Variants in NTNG1 observed in about 807,000 individuals in gnomAD.
NTNG1 encodes netrin G1, also known as netrin-G1.
A neutral mutation model predicts 54.0 loss-of-function variants in NTNG1; 16 were observed. That is an observed-to-expected ratio of 0.30 (90% confidence interval 0.20 to 0.45). NTNG1 has a LOEUF of 0.45. Ranked by LOEUF, NTNG1 falls within the 20% of genes least tolerant of loss-of-function variation. NTNG1 has a pLI of 1.00. For missense variants in NTNG1, 530 were observed against 678.7 expected (o/e 0.78, Z 2.43); for synonymous variants, 255 against 263.1 (o/e 0.97, Z 0.30).
At chr1:107,150,422 T>C (rs1654474919) in intron 2 of NTNG1, among the ~76,000 whole-genome samples, 1 of 152,140 alleles carries the variant, frequency 6.6e-6, no homozygotes, top group Non-Finnish European at 1.5e-5. Context: ...GAAATTGCTG[T>C]TTGGGTGATA....
At chr1:107,319,907 A>G (rs2101864943) in intron 2 of NTNG1, among the ~76,000 whole-genome samples, 1 of 151,436 alleles carries the variant, frequency 6.6e-6, no homozygotes, top group Admixed American at 6.6e-5. Context: ...GGCTTAGCAG[A>G]TCTTAGGTGA....
At chr1:107,306,017 C>G (rs189998389) in intron 2 of NTNG1, among the ~76,000 whole-genome samples, 1 of 152,264 alleles carries the variant, frequency 6.6e-6, no homozygotes, top group Admixed American at 6.5e-5. Context: ...CTCATTGGTG[C>G]TAAAGGCAAA....
intron 5 of NTNG1, among the ~76,000 whole-genome samples, chr1:107,430,277 A>G (rs1021121930): frequency 1.3e-5 from 2 of 152,160 alleles, no homozygotes; most frequent in African/African-American, 4.8e-5. Context: ...CTGTCTTGGC[A>G]TGATGTCAGA....
chr1:107,414,489 T>C (rs1279193061), intron 5 of NTNG1, among the ~76,000 whole-genome samples: 1 of 152,140 alleles, frequency 6.6e-6, no homozygotes, highest in Non-Finnish European at 1.5e-5. Context: ...ACAAAATAAT[T>C]TGTATTGCTT....
At chr1:107,305,234 T>A (rs998406930) in intron 2 of NTNG1, among the ~76,000 whole-genome samples, 1 of 152,186 alleles carries the variant, frequency 6.6e-6, no homozygotes, top group Non-Finnish European at 1.5e-5. Context: ...TGATTTATAA[T>A]CCTTTGGGTA....
At chr1:107,367,305 T>C (rs1409511272) in intron 3 of NTNG1, among the ~76,000 whole-genome samples, 2 of 151,950 alleles carry the variant, frequency 1.3e-5, no homozygotes, top group African/African-American at 4.8e-5. Context: ...CCCTGAGAAA[T>C]ATAGATAGGA....
intron 7 of NTNG1, among the ~76,000 whole-genome samples, chr1:107,438,537 G>A (rs1675753653): frequency 6.6e-6 from 1 of 152,080 alleles, no homozygotes; most frequent in Admixed American, 6.6e-5. Context: ...AGGAGAAGAG[G>A]AGAATAGGCA....
intron 2 of NTNG1, among the ~76,000 whole-genome samples, chr1:107,216,247 A>T (rs1659949094): frequency 6.6e-6 from 1 of 152,166 alleles, no homozygotes; most frequent in African/African-American, 2.4e-5. Flanking sequence ...GGATGTTTTC[A>T]ACTTTTCCCC....
chr1:107,198,813 G>A (rs990894407), intron 2 of NTNG1, among the ~76,000 whole-genome samples: 5 of 151,778 alleles, frequency 3.3e-5, no homozygotes, highest in African/African-American at 7.3e-5. Context: ...GATATCACAC[G>A]CAGGCTTTCC....
At chr1:107,304,600 T>C (rs528498961) in intron 2 of NTNG1, among the ~76,000 whole-genome samples, 2 of 152,312 alleles carry the variant, frequency 1.3e-5, no homozygotes, top group South Asian at 4.1e-4. Flanking sequence ...AAATGATCCT[T>C]GTTGCAGTTT....
chr1:107,324,236 G>A, intron 2 of NTNG1, 46 bp from the exon 3 acceptor site: 1 of 1,576,384 alleles, frequency 6.3e-7, no homozygotes, highest in South Asian at 1.1e-5. Flanking sequence ...CAAGACTTGT[G>A]GCAAACCAGT....
At chr1:107,239,012 T>C (rs1570932343) in intron 2 of NTNG1, among the ~76,000 whole-genome samples, 1 of 152,120 alleles carries the variant, frequency 6.6e-6, no homozygotes, top group Admixed American at 6.5e-5. Flanking sequence ...CAACACAGGA[T>C]TTTTTGAGTG....
At chr1:107,468,986 C>G (rs1677789925) in intron 7 of NTNG1, among the ~76,000 whole-genome samples, 1 of 151,380 alleles carries the variant, frequency 6.6e-6, no homozygotes, top group Non-Finnish European at 1.5e-5. Flanking sequence ...ATCCCAGCTA[C>G]TCAGGAGGCT....
At chr1:107,277,783 T>C (rs1473798920) in intron 2 of NTNG1, among the ~76,000 whole-genome samples, 6 of 152,176 alleles carry the variant, frequency 3.9e-5, no homozygotes, top group Non-Finnish European at 8.8e-5. Context: ...GTAAGTCTGT[T>C]GTATAGAATA....
intron 3 of NTNG1, among the ~76,000 whole-genome samples, chr1:107,360,926 T>C (rs1045110773): frequency 6.6e-6 from 1 of 151,904 alleles, no homozygotes; most frequent in Non-Finnish European, 1.5e-5. Flanking sequence ...AGAAACTTAG[T>C]TTTGTTATTG....
At chr1:107,378,771 C>T (rs1050266381) in intron 3 of NTNG1, among the ~76,000 whole-genome samples, 2 of 152,128 alleles carry the variant, frequency 1.3e-5, no homozygotes, top group Non-Finnish European at 1.5e-5. Flanking sequence ...CCCTTGGAAG[C>T]ACCTGTTCCT....
chr1:107,326,989 A>G (rs752857626), intron 3 of NTNG1, among the ~76,000 whole-genome samples: 5 of 152,158 alleles, frequency 3.3e-5, no homozygotes, highest in Admixed American at 6.6e-5. Context: ...CCCATCTCCC[A>G]GACTAGTCAT....
At chr1:107,234,154 A>G (rs1023353954) in intron 2 of NTNG1, among the ~76,000 whole-genome samples, 1 of 151,958 alleles carries the variant, frequency 6.6e-6, no homozygotes, top group Non-Finnish European at 1.5e-5. Flanking sequence ...ATGGAGTCTC[A>G]CTCTGTTGCC....
At chr1:107,324,154 AAAT>A (rs1465206886) in intron 2 of NTNG1, 125 bp from the exon 3 acceptor site, 1 of 796,032 alleles carries the variant, frequency 1.3e-6, no homozygotes, top group African/African-American at 1.7e-5. Flanking sequence ...CAGTTAGGGC[AAAT>A]AAAAATGATT....
Sources: allele counts gnomAD v4.1 joint callset (sites outside exome capture counted in the v4.1 genomes callset), GRCh38; gene constraint gnomAD v4.1.1; transcripts MANE v1.5; gene names NCBI Gene and HGNC (gene_info 2026-07-23, HGNC 2026-07-21).